FHIT: variants seen among roughly 807,000 people sequenced by gnomAD.
FHIT encodes the protein fragile histidine triad diadenosine triphosphatase, also known as bis(5'-adenosyl)-triphosphatase.
Under a neutral mutation model 17.9 loss-of-function variants are expected in FHIT, and 19 were observed. The observed-to-expected ratio is 1.06, with a 90% CI of 0.74 to 1.56. FHIT has a LOEUF of 1.56. FHIT is among the 40% of genes most tolerant of loss of function. The pLI, the probability that FHIT is intolerant of heterozygous loss-of-function variation, is 0.00. For synonymous variants in FHIT, 81 were observed against 69.7 expected (o/e 1.16, Z -0.81); for missense variants, 248 against 189.2 (o/e 1.31, Z -1.82).
intron 5 of FHIT, among the ~76,000 whole-genome samples, chr3:60,127,053 C>T (rs1439212389): frequency 3.3e-5 from 5 of 152,198 alleles, no homozygotes; most frequent in African/African-American, 1.2e-4. Flanking sequence ...TAGGACTTTT[C>T]AGGCCTGCCT....
intron 2 of FHIT, among the ~76,000 whole-genome samples, chr3:61,160,296 T>G (rs1465081945): frequency 6.6e-6 from 1 of 151,994 alleles, no homozygotes; most frequent in Non-Finnish European, 1.5e-5. Context: ...GACCCAAGCT[T>G]TGAAAAACGT....
intron 1 of FHIT, among the ~76,000 whole-genome samples, chr3:61,250,342 C>T (rs931958424): frequency 6.6e-6 from 1 of 152,226 alleles, no homozygotes; most frequent in South Asian, 2.1e-4. Flanking sequence ...AGTCTGGGCC[C>T]GGCCCAGGTC....
At chr3:60,556,215 A>G (rs903752032) in intron 4 of FHIT, among the ~76,000 whole-genome samples, 3 of 152,194 alleles carry the variant, frequency 2.0e-5, no homozygotes, top group African/African-American at 7.2e-5. Flanking sequence ...AGTAGTCAGC[A>G]TACTGCCTCA....
intron 4 of FHIT, among the ~76,000 whole-genome samples, chr3:60,591,289 C>G (rs545600332): frequency 6.6e-6 from 1 of 152,062 alleles, no homozygotes; most frequent in Admixed American, 6.5e-5. Flanking sequence ...TCTCATTAAA[C>G]TACAGCATGA....
Position 60,055,627 on chromosome 3 carries a change from G to A in FHIT, c.104-41475C>T, listed in dbSNP as rs539439139. On this transcript the variant is annotated intron_variant, in intron 5 of 9. Transcript: ENST00000492590. ...ACATTTTCTAGGCACTGGCCACGTG[G>A]CAACCAGTGTACAAGGCATTTAGAG... Among the ~76,000 whole-genome samples the A allele has an allele frequency of 1.7e-3, 256 of 152,262 alleles. 2 individuals are homozygous for A. Among genetic ancestry groups the A allele is most frequent in the Non-Finnish European group, 2.1e-3 (140 of 68,008 alleles).
intron 4 of FHIT, among the ~76,000 whole-genome samples, chr3:60,702,006 G>A (rs2041259099): frequency 6.6e-6 from 1 of 152,074 alleles, no homozygotes; most frequent in Non-Finnish European, 1.5e-5. Flanking sequence ...TGCCAAGGTG[G>A]TTTCGCCACC....
chr3:60,919,399 GTTT>G (rs5849401), intron 3 of FHIT, among the ~76,000 whole-genome samples: 1 of 144,422 alleles, frequency 6.9e-6, no homozygotes. Flanking sequence ...CACAACCACA[GTTT>G]TTTTTTTTTT....
chr3:60,573,595 C>T (rs1390437911), intron 4 of FHIT, among the ~76,000 whole-genome samples: 1 of 152,090 alleles, frequency 6.6e-6, no homozygotes, highest in African/African-American at 2.4e-5. Flanking sequence ...TCCAGAGCAG[C>T]TCTAAGAAGC....
intron 4 of FHIT, among the ~76,000 whole-genome samples, chr3:60,803,697 C>T (rs1701281913): frequency 6.6e-6 from 1 of 152,094 alleles, no homozygotes; most frequent in Non-Finnish European, 1.5e-5. Flanking sequence ...CAGATTCCTA[C>T]GCTGTCCCTG....
At chr3:59,971,979 A>C (rs3772476) in intron 7 of FHIT, among the ~76,000 whole-genome samples, 88,312 of 151,990 alleles carry the variant, frequency 0.58, 27,717 homozygotes, top group South Asian at 0.76. Flanking sequence ...CAACCCCTTC[A>C]TGCTAGGCCC....
intron 2 of FHIT, among the ~76,000 whole-genome samples, chr3:61,079,510 T>C (rs541174536): frequency 5.9e-5 from 9 of 152,354 alleles, no homozygotes; most frequent in African/African-American, 1.9e-4. Context: ...TTTCTGTTCA[T>C]AATAAATAAA....
At chr3:60,522,994 T>C (rs190884875) in intron 5 of FHIT, among the ~76,000 whole-genome samples, 10 of 152,178 alleles carry the variant, frequency 6.6e-5, no homozygotes, top group Admixed American at 2.6e-4. Context: ...AAAAGGCACA[T>C]CTTACACGGC....
intron 7 of FHIT, among the ~76,000 whole-genome samples, chr3:59,966,366 T>C (rs1307158970): frequency 6.6e-6 from 1 of 152,168 alleles, no homozygotes; most frequent in African/African-American, 2.4e-5. Context: ...CTAAATACTG[T>C]ATAAGAATAA....
At chr3:60,263,729 T>C (rs780106736) in intron 5 of FHIT, among the ~76,000 whole-genome samples, 2 of 151,982 alleles carry the variant, frequency 1.3e-5, no homozygotes, top group South Asian at 2.1e-4. Flanking sequence ...GACAGTATTC[T>C]ACAGTAATCC....
At chr3:61,107,101 A>C (rs1444326506) in intron 2 of FHIT, among the ~76,000 whole-genome samples, 1 of 152,172 alleles carries the variant, frequency 6.6e-6, no homozygotes, top group Non-Finnish European at 1.5e-5. Flanking sequence ...GAAATTTTGT[A>C]TCCTTTGACC....
At chr3:60,658,778 T>A (rs894151238) in intron 4 of FHIT, among the ~76,000 whole-genome samples, 20 of 151,980 alleles carry the variant, frequency 1.3e-4, no homozygotes, top group Non-Finnish European at 2.9e-4. Context: ...AGAAAAAAAA[T>A]GGAGTTAACA....
At chr3:60,076,547 T>C (rs1219951569) in intron 5 of FHIT, among the ~76,000 whole-genome samples, 1 of 152,032 alleles carries the variant, frequency 6.6e-6, no homozygotes, top group East Asian at 1.9e-4. Context: ...CTTCTGCTTC[T>C]GCTGCTGCTG....
chr3:59,901,080 TC>T (rs1704309714), intron 8 of FHIT, among the ~76,000 whole-genome samples: 1 of 152,228 alleles, frequency 6.6e-6, no homozygotes, highest in Non-Finnish European at 1.5e-5. Context: ...TTGTTTCTGT[TC>T]TCATTTAATC....
intron 5 of FHIT, among the ~76,000 whole-genome samples, chr3:60,357,537 G>A (rs886487977): frequency 7.9e-5 from 12 of 152,116 alleles, no homozygotes; most frequent in Admixed American, 2.0e-4. Flanking sequence ...GAGCCACCAC[G>A]CCCGGCCCAA....
Sources: allele counts gnomAD v4.1 joint callset (sites outside exome capture counted in the v4.1 genomes callset), GRCh38; gene constraint gnomAD v4.1.1; transcripts MANE v1.5; gene names NCBI Gene and HGNC (gene_info 2026-07-23, HGNC 2026-07-21).